Variants in CDON observed in about 807,000 individuals in gnomAD.
The protein encoded by CDON is cell adhesion molecule-related/down-regulated by oncogenes.
CDON carries 73 observed loss-of-function variants against 120.9 expected under a neutral mutation model. The ratio of observed to expected loss-of-function variants is 0.60; its 90% CI spans 0.50 to 0.73. CDON has a LOEUF of 0.73. Among genes scored for constraint, CDON ranks in the 30% least tolerant of loss-of-function variants. The probability of loss-of-function intolerance (pLI) is 0.00; values close to 1 mark genes in which losing one functional copy is unlikely to be tolerated. For missense variants in CDON, 1,470 were observed against 1,587.3 expected, an observed-to-expected ratio of 0.93 and a Z score of 1.26; for synonymous variants, 566 against 573.5, an observed-to-expected ratio of 0.99 and a Z score of 0.19.
intron 6 of CDON, 143 bp from the exon 7 acceptor site, chr11:126,015,653 G>C (rs1947444523): frequency 1.3e-5 from 11 of 856,822 alleles, no homozygotes; most frequent in Admixed American, 4.5e-5. Context: ...GTCTGCTGTG[G>C]TAATCAAGAA....
At chr11:125,981,788 A>C (rs964310033) in intron 16 of CDON, among the ~76,000 whole-genome samples, 2 of 152,006 alleles carry the variant, frequency 1.3e-5, no homozygotes, top group Non-Finnish European at 2.9e-5. Context: ...TGCTGAAAAA[A>C]ACTGCATAAA....
intron 15 of CDON, among the ~76,000 whole-genome samples, chr11:125,988,314 A>C (rs1237126166): frequency 6.6e-6 from 1 of 152,324 alleles, no homozygotes; most frequent in East Asian, 1.9e-4. Context: ...AGCTATCAGC[A>C]GTGCTAGTCT....
At chr11:126,022,079 G>A (rs1947658150) in intron 2 of CDON, among the ~76,000 whole-genome samples, 1 of 146,910 alleles carries the variant, frequency 6.8e-6, no homozygotes, top group Non-Finnish European at 1.5e-5. Flanking sequence ...TCCAGCCTGG[G>A]TGACAGTGGG....
Position 125,956,947 on chromosome 11 carries a change from AC to A in CDON, c.*3994del. 1 of 778,764 alleles carries A rather than the reference AC, an allele frequency of 1.3e-6. No individual in the cohort carries two copies. Among genetic ancestry groups the A allele is most frequent in the Non-Finnish European group, 1.6e-6 (1 of 641,264 alleles). 48.2% of individuals were successfully genotyped at this position (778,764 alleles called of 1,614,324 possible). ...GGGAAATAAAATACAAAAGGGCCAC[AC>A]CCGATGCAAAAGACTTTGCTGGCTT... On this transcript the variant is annotated 3_prime_UTR_variant, in exon 20 of 20. Transcript: ENST00000531738.
At chr11:126,020,487 C>T (rs1439609482) in intron 3 of CDON, among the ~76,000 whole-genome samples, 9 of 152,286 alleles carry the variant, frequency 5.9e-5, no homozygotes, top group Middle Eastern at 3.4e-3. Flanking sequence ...CAGCCTGCCA[C>T]GAGGAATTCA....
In CDON at chr11:125,971,252, G is replaced by A. The variant is rs569088463; in HGVS notation, c.3356+7052C>T. Reference sequence around the variant, plus strand: ...TAAAAAATTAGCTGGGTGTGGTGGCGGGCACTTGTAGTCCCAGCAACTCAG... The same window carrying A: ...TAAAAAATTAGCTGGGTGTGGTGGCAGGCACTTGTAGTCCCAGCAACTCAG... On this transcript the variant is annotated intron_variant, in intron 18 of 19. Transcript: ENST00000531738. Among the ~76,000 whole-genome samples, 149 of 152,006 alleles carry A rather than the reference G, an allele frequency of 9.8e-4. No individual in the cohort carries two copies. The South Asian group carries it at 0.013, about 13-fold the overall frequency.
intron 11 of CDON, among the ~76,000 whole-genome samples, chr11:125,998,180 G>A (rs981888467): frequency 6.6e-6 from 1 of 152,194 alleles, no homozygotes; most frequent in Non-Finnish European, 1.5e-5. Flanking sequence ...GAAAACATGA[G>A]GAGTAAGCTC....
chr11:126,020,381 A>ATCT lies in CDON; in HGVS notation c.350-619_350-617dup, dbSNP rs1413009342. ...GGATATCATTATTTAGATTATCTGA[A>ATCT]TCTACTAACTTGGTCTCAATTCCTC... is the stretch of plus-strand genomic sequence containing the variant. On this transcript the variant is annotated intron_variant, in intron 3 of 19. Coordinates refer to ENST00000531738, the MANE Select transcript of CDON (RefSeq NM_001378964.1). 5.9e-5 allele frequency among the ~76,000 whole-genome samples: 9 copies of ATCT among 152,322 alleles called. No individual in the cohort carries two copies. In the East Asian group the frequency reaches 1.7e-3, roughly 29 times the overall value.
chr11:125,967,402 G>A (rs1423971208), intron 18 of CDON, among the ~76,000 whole-genome samples: 2 of 152,076 alleles, frequency 1.3e-5, no homozygotes, highest in East Asian at 1.9e-4. Context: ...TTCTGTCCTA[G>A]TTCAATATTG....
chr11:126,038,355 A>G (rs1183815172), intron 1 of CDON, among the ~76,000 whole-genome samples: 1 of 152,150 alleles, frequency 6.6e-6, no homozygotes, highest in Non-Finnish European at 1.5e-5. Flanking sequence ...TATTTATCTT[A>G]AAAAAAGAAT....
intron 1 of CDON, among the ~76,000 whole-genome samples, chr11:126,060,556 G>GAA (rs3037714): frequency 0.32 from 47,608 of 148,810 alleles, 7,694 homozygotes; most frequent in Middle Eastern, 0.49. Context: ...AACGTTCGTG[G>GAA]AAAAAAAAAA....
intron 8 of CDON, 135 bp from the exon 9 acceptor site, chr11:126,006,192 C>A: frequency 1.3e-6 from 1 of 743,902 alleles, no homozygotes; most frequent in Admixed American, 2.0e-5. Flanking sequence ...GGTAACACTG[C>A]CATTTATAAT....
At position 125,992,651 on chromosome 11, in the gene CDON, G is replaced by A. The variant is rs531154033; in HGVS notation, c.2650+1633C>T. Among the ~76,000 whole-genome samples the A allele has an allele frequency of 3.9e-5, 6 of 152,338 alleles. No homozygotes were observed. In the South Asian group the frequency reaches 1.2e-3, roughly 32 times the overall value. ...AATATTTATTGAGCACCTACTATGT[G>A]CTGAGCATTAAAAATTGGATCATAA... On this transcript the variant is annotated intron_variant, in intron 14 of 19. Coordinates refer to ENST00000531738, the MANE Select transcript of CDON (RefSeq NM_001378964.1).
intron 1 of CDON, among the ~76,000 whole-genome samples, chr11:126,039,020 TA>T (rs1442930728): frequency 1.3e-5 from 2 of 152,196 alleles, no homozygotes; most frequent in African/African-American, 2.4e-5. Context: ...ACTCGCCTCC[TA>T]ACCTCAGTAC....
chr11:126,037,999 C>T (rs1242435323), intron 1 of CDON, among the ~76,000 whole-genome samples: 1 of 152,040 alleles, frequency 6.6e-6, no homozygotes, highest in Admixed American at 6.5e-5. Context: ...GAAAAAACAG[C>T]AAAGATATCC....
chr11:126,040,611 C>T (rs192820452), intron 1 of CDON, among the ~76,000 whole-genome samples: 16 of 150,914 alleles, frequency 1.1e-4, no homozygotes, highest in South Asian at 4.2e-4. Flanking sequence ...GTCAGGAGAT[C>T]GAGACCATCC....
At chr11:125,990,486 T>C (rs967471444) in intron 14 of CDON, among the ~76,000 whole-genome samples, 9 of 152,200 alleles carry the variant, frequency 5.9e-5, no homozygotes, top group Non-Finnish European at 1.2e-4. Context: ...CTCTTCATGT[T>C]GACTTCCATG....
At chr11:125,981,972 T>TTTC (rs1946322916) in intron 16 of CDON, among the ~76,000 whole-genome samples, 3 of 51,002 alleles carry the variant, frequency 5.9e-5, no homozygotes, top group Admixed American at 1.9e-4. Flanking sequence ...TCTATTTTCT[T>TTTC]TTTTTTTTTT....
chr11:126,048,531 A>G (rs1461796866), intron 1 of CDON, among the ~76,000 whole-genome samples: 1 of 152,196 alleles, frequency 6.6e-6, no homozygotes, highest in African/African-American at 2.4e-5. Flanking sequence ...AAAATCCCTT[A>G]AGTTAAAGCC....
Sources: gnomAD v4.1 joint callset for allele counts (sites outside exome capture counted in the v4.1 genomes callset) on GRCh38, gnomAD v4.1.1 for gene constraint, MANE v1.5 for transcripts, NCBI Gene and HGNC (gene_info 2026-07-23, HGNC 2026-07-21) for gene names.